SLCO3A1: variants seen among roughly 807,000 people sequenced by gnomAD.
SLCO3A1 encodes solute carrier organic anion transporter family member 3A1, also known as PGE1 transporter.
Under a neutral mutation model 63.1 loss-of-function variants are expected in SLCO3A1, and 27 were observed. That is an observed-to-expected ratio of 0.43 (90% confidence interval 0.32 to 0.59). The LOEUF (loss-of-function observed/expected upper bound fraction) is 0.59, where lower values mean the gene tolerates loss of function less well. SLCO3A1 is among the 20% of genes least tolerant of loss of function. SLCO3A1 has a pLI of 0.09. For missense variants in SLCO3A1, 773 were observed against 945.8 expected, an observed-to-expected ratio of 0.82 and a Z score of 2.40; for synonymous variants, 473 against 409.9, an observed-to-expected ratio of 1.15 and a Z score of -1.86.
chr15:91,887,181 G>A (rs1597091175), intron 1 of SLCO3A1, among the ~76,000 whole-genome samples: 1 of 152,192 alleles, frequency 6.6e-6, no homozygotes. Flanking sequence ...TCCAGAGTGG[G>A]CCACAGGTTG....
intron 2 of SLCO3A1, among the ~76,000 whole-genome samples, chr15:91,964,280 G>A (rs1178685213): frequency 1.3e-5 from 2 of 148,722 alleles, no homozygotes; most frequent in South Asian, 2.1e-4. Context: ...TAGATACAAC[G>A]GCCTTGTCAT....
chr15:91,999,590 A>C (rs1198457284), intron 2 of SLCO3A1, among the ~76,000 whole-genome samples: 1 of 152,156 alleles, frequency 6.6e-6, no homozygotes, highest in Non-Finnish European at 1.5e-5. Context: ...AAAATCTGAG[A>C]ACACCAAGGG....
At position 92,146,989 on chromosome 15, in the gene SLCO3A1, C is replaced by T; in HGVS notation, c.1518C>T (p.Leu506=). 6.2e-7 allele frequency: 1 copy of T among 1,610,360 alleles called. No homozygotes were observed. The highest frequency in any genetic ancestry group is 8.5e-7 in the Non-Finnish European group (1 of 1,178,332). ...ACFAGCNSTN[L]TGCACLTTVP... ...GCTGAACGCTTCCCTTTCAGAATCT[C>T]ACGGGCTGTGCGTGCCTCACCACCG... is the stretch of plus-strand genomic sequence containing the variant. Residue 506 remains leucine (L), a synonymous_variant, in exon 8 of 10, where the codon CTC becomes CTT. Transcript: ENST00000318445.
chr15:92,164,485 C>A lies in SLCO3A1; in HGVS notation c.*1350C>A. The stretch of plus-strand genomic sequence containing the variant: ...CCTTTTATATTCATGCTTGACATTC[C>A]AAGAGGCGTTCTTTTCAGCCTGTGG... On this transcript the variant is annotated 3_prime_UTR_variant, in exon 10 of 10. Transcript: ENST00000318445. The A allele has an allele frequency of 1.0e-6, 1 of 985,368 alleles. No individual in the cohort carries two copies. The highest frequency in any genetic ancestry group is 1.2e-6 in the Non-Finnish European group (1 of 829,922). 61.0% of individuals were successfully genotyped at this position (985,368 alleles called of 1,614,324 possible).
At chr15:91,983,794 G>A (rs905292748) in intron 2 of SLCO3A1, among the ~76,000 whole-genome samples, 2 of 152,166 alleles carry the variant, frequency 1.3e-5, no homozygotes, top group African/African-American at 2.4e-5. Context: ...AGGAAAGTTG[G>A]AATTCACAAA....
chr15:92,168,872 G>A (rs566381745), downstream of SLCO3A1, among the ~76,000 whole-genome samples: 6 of 152,262 alleles, frequency 3.9e-5, no homozygotes, highest in African/African-American at 7.2e-5. Flanking sequence ...ACTGTAGCTC[G>A]ACTAGAGTTA....
chr15:92,168,855 C>T (rs549562159), downstream of SLCO3A1, among the ~76,000 whole-genome samples: 2 of 152,326 alleles, frequency 1.3e-5, no homozygotes, highest in South Asian at 4.1e-4. Context: ...TCCCATATAG[C>T]TGTGACACTG....
intron 2 of SLCO3A1, among the ~76,000 whole-genome samples, chr15:91,964,035 T>C (rs762687701): frequency 6.6e-6 from 1 of 152,164 alleles, no homozygotes; most frequent in Non-Finnish European, 1.5e-5. Flanking sequence ...AGAGCACTGA[T>C]TGGTGCATTT....
chr15:92,123,209 G>T (rs1306305308), intron 5 of SLCO3A1, among the ~76,000 whole-genome samples: 1 of 152,166 alleles, frequency 6.6e-6, no homozygotes, highest in Non-Finnish European at 1.5e-5. Flanking sequence ...TGGATCACCT[G>T]AGGTCAAGAG....
downstream of SLCO3A1, among the ~76,000 whole-genome samples, chr15:92,166,936 C>T (rs536486573): frequency 9.9e-5 from 15 of 152,252 alleles, no homozygotes; most frequent in Non-Finnish European, 1.8e-4. Context: ...CTAAGCCCTG[C>T]TAGGAACTCC....
intron 9 of SLCO3A1, chr15:92,153,696 A>T (rs1373549441): frequency 6.6e-6 from 1 of 152,286 alleles, no homozygotes. Flanking sequence ...TTGCCTTGGG[A>T]TGGGAGCAGT....
At position 92,008,163 on chromosome 15, in the gene SLCO3A1, AACACATAC is replaced by A. The variant is rs71156624; in HGVS notation, c.647-86710_647-86703del. ...TGAAAGACCTTTTTTTCTTCCTGCA[AACACATAC>A]ACACATAACACATAATTCAGATTGC... On this transcript the variant is annotated intron_variant, in intron 2 of 9. Coordinates refer to ENST00000318445, the MANE Select transcript of SLCO3A1 (RefSeq NM_013272.4). 7.7e-3 allele frequency among the ~76,000 whole-genome samples: 1,178 copies of A among 152,296 alleles called. 7 individuals are homozygous for A. The highest frequency in any genetic ancestry group is 0.014 in the Non-Finnish European group (940 of 68,012).
chr15:91,940,194 A>G (rs8028706), intron 2 of SLCO3A1, among the ~76,000 whole-genome samples: 112,131 of 151,940 alleles, frequency 0.74, 41,836 homozygotes, highest in East Asian at 0.98. Context: ...AGCCATTCAG[A>G]TCTCCTGTGT....
chr15:91,923,944 G>A (rs1298190116), intron 2 of SLCO3A1, among the ~76,000 whole-genome samples: 1 of 152,228 alleles, frequency 6.6e-6, no homozygotes, highest in Non-Finnish European at 1.5e-5. Context: ...GAATGTCTCT[G>A]TGGCTTTAGC....
intron 2 of SLCO3A1, among the ~76,000 whole-genome samples, chr15:92,057,092 G>T (rs1201819879): frequency 6.6e-6 from 1 of 152,232 alleles, no homozygotes; most frequent in African/African-American, 2.4e-5. Flanking sequence ...CACCCAGCCA[G>T]CTGCTCTGCT....
intron 8 of SLCO3A1, among the ~76,000 whole-genome samples, chr15:92,148,068 C>T (rs2048253233): frequency 6.6e-6 from 1 of 152,144 alleles, no homozygotes; most frequent in Non-Finnish European, 1.5e-5. Context: ...AGTAGCAGGG[C>T]GTGTTGGCAC....
At chr15:91,997,744 A>G (rs1009293513) in intron 2 of SLCO3A1, among the ~76,000 whole-genome samples, 29 of 152,236 alleles carry the variant, frequency 1.9e-4, no homozygotes, top group Admixed American at 1.7e-3. Flanking sequence ...AAGTTGACAA[A>G]AATAAGCAAT....
At chr15:91,955,371 C>G (rs532950682) in intron 2 of SLCO3A1, among the ~76,000 whole-genome samples, 9 of 151,016 alleles carry the variant, frequency 6.0e-5, no homozygotes, top group African/African-American at 1.7e-4. Context: ...CTCGCTCTGT[C>G]ACCCAGGCTA....
intron 4 of SLCO3A1, among the ~76,000 whole-genome samples, chr15:92,114,275 G>A (rs761353906): frequency 2.6e-5 from 4 of 152,130 alleles, no homozygotes; most frequent in Non-Finnish European, 4.4e-5. Flanking sequence ...TGTTTCTTAC[G>A]AGGCTATAAC....
Sources: allele counts gnomAD v4.1 joint callset (sites outside exome capture counted in the v4.1 genomes callset), GRCh38; gene constraint gnomAD v4.1.1; transcripts MANE v1.5; gene names NCBI Gene and HGNC (gene_info 2026-07-23, HGNC 2026-07-21).